CACNA2D3: variants seen among roughly 807,000 people sequenced by gnomAD.
CACNA2D3 encodes calcium voltage-gated channel auxiliary subunit alpha2delta 3.
In CACNA2D3, 60 loss-of-function variants were observed where a neutral mutation model predicts 160.6. The observed-to-expected ratio is 0.37, with a 90% CI of 0.30 to 0.46. The LOEUF is 0.46. CACNA2D3 is among the 20% of genes least tolerant of loss of function. CACNA2D3 has a pLI of 1.00. For missense variants in CACNA2D3, 1,205 were observed against 1,365.0 expected, an observed-to-expected ratio of 0.88 and a Z score of 1.85; for synonymous variants, 558 against 492.9, an observed-to-expected ratio of 1.13 and a Z score of -1.75.
chr3:54,381,495 T>C (rs1049812938), intron 3 of CACNA2D3, among the ~76,000 whole-genome samples: 2 of 152,176 alleles, frequency 1.3e-5, no homozygotes, highest in African/African-American at 2.4e-5. Context: ...ATAAAATACA[T>C]GAAGACAAAA....
At chr3:54,636,353 AT>A (rs1248754703) in intron 10 of CACNA2D3, among the ~76,000 whole-genome samples, 4 of 152,018 alleles carry the variant, frequency 2.6e-5, no homozygotes, top group African/African-American at 9.7e-5. Context: ...GGTATCAAGA[AT>A]AATGTGGGAG....
Position 55,018,230 on chromosome 3 carries a change from A to T in CACNA2D3, c.2900A>T (p.Glu967Val), listed in dbSNP as rs1703370601. The T allele has an allele frequency of 6.2e-7, 1 of 1,612,516 alleles. No homozygotes were observed. The highest frequency in any genetic ancestry group is 8.5e-7 in the Non-Finnish European group (1 of 1,178,920). Residue 967 changes from glutamate (E) to valine (V), a missense_variant, in exon 35 of 38, where the codon GAG (glutamate) becomes GTG (valine). Around this residue, in one of 3 missense-constraint regions of CACNA2D3, gnomAD observed 911 missense variants for 1,002.2 expected, o/e 0.91. Transcript: ENST00000474759. ...GCCCAGAAATTGAAACAGACCCTGG[A>T]GCCTTGTGATACTGAATATCCAGCA... ...AKAQKLKQTL[E>V]PCDTEYPAFV...
At chr3:54,311,537 T>C (rs1703743347) in intron 2 of CACNA2D3, among the ~76,000 whole-genome samples, 1 of 152,190 alleles carries the variant, frequency 6.6e-6, no homozygotes, top group Admixed American at 6.5e-5. Context: ...CGGTCCTTTC[T>C]GTCCCTGGCC....
At chr3:54,516,302 G>A (rs1053086773) in intron 5 of CACNA2D3, among the ~76,000 whole-genome samples, 4 of 152,276 alleles carry the variant, frequency 2.6e-5, no homozygotes, top group African/African-American at 9.6e-5. Flanking sequence ...AGGCTGCCCC[G>A]TGTGGCAGTG....
intron 4 of CACNA2D3, among the ~76,000 whole-genome samples, chr3:54,465,601 T>G (rs555815190): frequency 6.6e-6 from 1 of 152,288 alleles, no homozygotes; most frequent in Admixed American, 6.5e-5. Context: ...AACTGCTCAC[T>G]TATGACCACA....
chr3:54,387,098 A>C (rs1351561314), intron 4 of CACNA2D3, among the ~76,000 whole-genome samples: 2 of 152,210 alleles, frequency 1.3e-5, no homozygotes, highest in African/African-American at 4.8e-5. Flanking sequence ...AGCAGAATAC[A>C]TCCAAATCCC....
chr3:54,595,397 G>T (rs1341627876), intron 9 of CACNA2D3, among the ~76,000 whole-genome samples: 1 of 151,730 alleles, frequency 6.6e-6, no homozygotes, highest in Non-Finnish European at 1.5e-5. Flanking sequence ...CATTGGTTCT[G>T]CCACTTAGCC....
chr3:54,359,683 A>G (rs988578888), intron 3 of CACNA2D3, among the ~76,000 whole-genome samples: 4 of 152,172 alleles, frequency 2.6e-5, no homozygotes, highest in African/African-American at 9.7e-5. Flanking sequence ...CATGACATCT[A>G]TTAGTGTATA....
chr3:54,797,539 T>C (rs778099666), intron 13 of CACNA2D3, among the ~76,000 whole-genome samples: 3 of 152,264 alleles, frequency 2.0e-5, no homozygotes, highest in Non-Finnish European at 4.4e-5. Flanking sequence ...CAGTATCATA[T>C]GGTATCATAC....
intron 4 of CACNA2D3, among the ~76,000 whole-genome samples, chr3:54,388,766 G>A (rs1024227388): frequency 4.6e-5 from 7 of 152,138 alleles, no homozygotes; most frequent in African/African-American, 1.7e-4. Context: ...TTGTAGAGTG[G>A]GCCAGAAGGG....
At chr3:55,042,481 G>C (rs1051006408) in intron 35 of CACNA2D3, among the ~76,000 whole-genome samples, 10 of 151,998 alleles carry the variant, frequency 6.6e-5, no homozygotes, top group African/African-American at 2.4e-4. Flanking sequence ...CTTCCACTTA[G>C]AATTAGCATG....
At chr3:54,860,250 G>A (rs1169386998) in intron 17 of CACNA2D3, among the ~76,000 whole-genome samples, 1 of 152,182 alleles carries the variant, frequency 6.6e-6, no homozygotes, top group Non-Finnish European at 1.5e-5. Context: ...ACATCACAGA[G>A]TATTTTTACC....
chr3:54,657,585 T>G (rs1484039850), intron 11 of CACNA2D3, among the ~76,000 whole-genome samples: 6 of 152,218 alleles, frequency 3.9e-5, no homozygotes, highest in African/African-American at 9.6e-5. Context: ...CTTGTATACC[T>G]CTGACTATTT....
chr3:54,330,656 T>C (rs1444474065), intron 3 of CACNA2D3, among the ~76,000 whole-genome samples: 1 of 152,170 alleles, frequency 6.6e-6, no homozygotes, highest in African/African-American at 2.4e-5. Context: ...TGCACAGAGA[T>C]GATGGAAGCA....
chr3:55,049,804 A>C (rs1704147261), intron 35 of CACNA2D3, among the ~76,000 whole-genome samples: 2 of 150,514 alleles, frequency 1.3e-5, no homozygotes, highest in Admixed American at 6.6e-5. Context: ...GGGTGCATAT[A>C]TATTTAGGAT....
At chr3:54,445,791 G>A (rs1184019824) in intron 4 of CACNA2D3, among the ~76,000 whole-genome samples, 7 of 152,154 alleles carry the variant, frequency 4.6e-5, no homozygotes, top group Non-Finnish European at 8.8e-5. Flanking sequence ...AGAAAGGAGG[G>A]GATGGGCCAG....
chr3:54,578,556 G>A (rs973033286), intron 8 of CACNA2D3, among the ~76,000 whole-genome samples: 2 of 152,224 alleles, frequency 1.3e-5, no homozygotes, highest in Non-Finnish European at 2.9e-5. Context: ...ACAGCTGCCT[G>A]GTGTGCACAG....
intron 11 of CACNA2D3, among the ~76,000 whole-genome samples, chr3:54,705,426 G>A (rs962626905): frequency 6.6e-6 from 1 of 152,038 alleles, no homozygotes; most frequent in Admixed American, 6.6e-5. Context: ...TAAAGACGTT[G>A]TCCCCAGCCC....
At chr3:54,894,617 T>C (rs758235284) in intron 25 of CACNA2D3, 3 of 516,370 alleles carry the variant, frequency 5.8e-6, no homozygotes, top group Non-Finnish European at 1.2e-5. Flanking sequence ...ACAGACCTGC[T>C]GGGAGTGCGA....
Sources: gnomAD v4.1 joint callset for allele counts (sites outside exome capture counted in the v4.1 genomes callset) on GRCh38, gnomAD v4.1.1 for gene constraint, gnomAD v4.1.1 regional missense constraint, MANE v1.5 for transcripts, NCBI Gene and HGNC (gene_info 2026-07-23, HGNC 2026-07-21) for gene names.